MTCL1: variants seen among roughly 807,000 people sequenced by gnomAD.
MTCL1 encodes microtubule crosslinking factor 1, also known as microtubule cross-linking factor 1.
MTCL1 carries 79 observed loss-of-function variants against 141.4 expected under a neutral mutation model. The ratio of observed to expected loss-of-function variants is 0.56; its 90% CI spans 0.47 to 0.67. MTCL1 has a LOEUF of 0.67. Among genes scored for constraint, MTCL1 ranks in the 30% least tolerant of loss-of-function variants. The pLI is 0.00. For synonymous variants in MTCL1, 914 were observed against 875.8 expected (o/e 1.04, Z -0.77); for missense variants, 2,177 against 2,113.9 (o/e 1.03, Z -0.59).
rs2144238168 is a variant in MTCL1, at chr18:8,812,970, C to A, written c.2605-9C>A. The A allele has an allele frequency of 1.2e-6, 2 of 1,605,696 alleles. No homozygotes were observed. Among genetic ancestry groups the A allele is most frequent in the South Asian group, 1.1e-5 (1 of 90,658 alleles). On this transcript the variant is annotated splice_polypyrimidine_tract_variant and intron_variant, in intron 11 of 16. Transcript: ENST00000359865. Reference sequence around the variant, plus strand: ...GAGAGGGAATTCCTAAGTCTCTTCTCCTTGACAGCTGGAAGAGAAGACTGA... The same window carrying A: ...GAGAGGGAATTCCTAAGTCTCTTCTACTTGACAGCTGGAAGAGAAGACTGA...
At chr18:8,819,640 C>T (rs945897074) in intron 13 of MTCL1, among the ~76,000 whole-genome samples, 1 of 152,156 alleles carries the variant, frequency 6.6e-6, no homozygotes, top group Non-Finnish European at 1.5e-5. Context: ...GTCTCACTCT[C>T]TTGCCCAGGG....
chr18:8,783,726 C>A, exon 6 of MTCL1: 1 of 1,607,704 alleles, frequency 6.2e-7, no homozygotes. Context: ...ACCCGGGAGG[C>A]CGAGCTGAAG....
Position 8,777,826 on chromosome 18 carries a change from A to AT in MTCL1, c.358-4dup, listed in dbSNP as rs1568013558. 6.2e-7 allele frequency: 1 copy of AT among 1,613,814 alleles called. No individual in the cohort carries two copies. The highest frequency in any genetic ancestry group is 8.5e-7 in the Non-Finnish European group (1 of 1,179,914). On this transcript the variant is annotated splice_region_variant and splice_polypyrimidine_tract_variant and intron_variant, in intron 4 of 16. Coordinates refer to ENST00000359865, the Ensembl canonical transcript of MTCL1. Reference sequence around the variant, plus strand: ...TGGTCACAGAATGTCACTTGGATCTATTTCAGAGTTCCCTAAAAAGAAGAA... The same window carrying AT: ...TGGTCACAGAATGTCACTTGGATCTATTTTCAGAGTTCCCTAAAAAGAAGAA...
intron 4 of MTCL1, among the ~76,000 whole-genome samples, chr18:8,764,518 A>G (rs1031531007): frequency 1.3e-5 from 2 of 152,044 alleles, no homozygotes; most frequent in Non-Finnish European, 2.9e-5. Flanking sequence ...GGGTTTCACC[A>G]TGTTGGCCAG....
At chr18:8,789,410 A>G in intron 7 of MTCL1, 1 of 985,228 alleles carries the variant, frequency 1.0e-6, no homozygotes, top group East Asian at 1.1e-4. Context: ...TAGGCACTCT[A>G]GTGATGGCCA....
intron 4 of MTCL1, among the ~76,000 whole-genome samples, chr18:8,743,283 A>G (rs2096314897): frequency 6.6e-6 from 1 of 152,234 alleles, no homozygotes; most frequent in Admixed American, 6.5e-5. Flanking sequence ...ATGTAATCAC[A>G]TGTTACATAT....
chr18:8,798,392 A>C (rs1159908230), intron 10 of MTCL1, 101 bp downstream of exon 9: 1 of 1,071,574 alleles, frequency 9.3e-7, no homozygotes, highest in Admixed American at 4.1e-5. Flanking sequence ...GCATTCAGGT[A>C]GCAGAAAATT....
intron 4 of MTCL1, among the ~76,000 whole-genome samples, chr18:8,751,186 A>C (rs2096369190): frequency 1.3e-5 from 2 of 152,236 alleles, no homozygotes; most frequent in South Asian, 4.1e-4. Flanking sequence ...TGTAAGGCTC[A>C]GGCTGCTGAT....
intron 4 of MTCL1, among the ~76,000 whole-genome samples, chr18:8,743,639 T>C (rs1342748927): frequency 2.6e-5 from 4 of 152,250 alleles, no homozygotes; most frequent in Non-Finnish European, 1.5e-5. Flanking sequence ...GCCCTCTTTC[T>C]TCATCTTCAA....
At chr18:8,720,451 A>G in exon 4 of MTCL1, 4 of 1,614,108 alleles carry the variant, frequency 2.5e-6, no homozygotes, top group Non-Finnish European at 3.4e-6. Flanking sequence ...TTGAAGTGGA[A>G]ATATCCAAAC....
chr18:8,764,570 G>A (rs143983932), intron 4 of MTCL1, among the ~76,000 whole-genome samples: 3,803 of 152,122 alleles, frequency 0.025, 58 homozygotes, highest in South Asian at 0.057. Flanking sequence ...CACCTGCCTC[G>A]GCCTCTCAAA....
chr18:8,792,322 C>G (rs895402524), intron 7 of MTCL1, among the ~76,000 whole-genome samples: 3 of 152,132 alleles, frequency 2.0e-5, no homozygotes, highest in African/African-American at 4.8e-5. Flanking sequence ...GTAGACTTTA[C>G]CAATAAAAAT....
chr18:8,786,449 C>T, intron 7 of MTCL1: 1 of 464,564 alleles, frequency 2.2e-6, no homozygotes, highest in Middle Eastern at 5.9e-4. Flanking sequence ...ACGGGCTTCC[C>T]TGCTCTGGAG....
chr18:8,715,402 G>A (rs2096122538), upstream of MTCL1, among the ~76,000 whole-genome samples: 1 of 152,134 alleles, frequency 6.6e-6, no homozygotes, highest in Non-Finnish European at 1.5e-5. Context: ...TAATGACTTT[G>A]GCAGGCTTTC....
At chr18:8,826,078 G>A (rs1352308316) in exon 15 of MTCL1, 1 of 1,611,166 alleles carries the variant, frequency 6.2e-7, no homozygotes, top group Non-Finnish European at 8.5e-7. Flanking sequence ...GCTCCCCCTG[G>A]CTACACGCTC....
Position 8,705,974 on chromosome 18 carries a change from C to G in MTCL1, c.314C>G (p.Pro105Arg). The change falls in exon 1 of 14, where the codon CCG becomes CGG. Residue 105 changes from proline (P) to arginine (R), a missense_variant. Physicochemically the swap from Pro to Arg is moderately radical, Grantham distance 103. Transcript: ENST00000306329. This position sits in a 1 kb window ranked among gnomAD's most constrained non-coding sequence, Gnocchi z 5.2. ...CTCTCTCGGCGCAGTGGCGGCGTCC[C>G]GGGCGCGAAGGACAAGCCCCCGCCG... The G allele has an allele frequency of 2.6e-6, 3 of 1,133,188 alleles. No individual in the cohort carries two copies. The highest frequency in any genetic ancestry group is 3.2e-6 in the Non-Finnish European group (3 of 926,604). 70.2% of individuals were successfully genotyped at this position (1,133,188 alleles called of 1,614,324 possible).
At chr18:8,760,515 A>AT (rs2096426612) in intron 4 of MTCL1, among the ~76,000 whole-genome samples, 1 of 152,228 alleles carries the variant, frequency 6.6e-6, no homozygotes, top group South Asian at 2.1e-4. Context: ...CCTGCTAGGA[A>AT]GCAAATGTTA....
intron 1 of MTCL1, among the ~76,000 whole-genome samples, chr18:8,708,203 C>T (rs1426219769): frequency 6.6e-6 from 1 of 152,188 alleles, no homozygotes; most frequent in African/African-American, 2.4e-5. Context: ...AGCATAACCC[C>T]TGACTTACTT....
At chr18:8,762,293 G>A (rs1231333259) in intron 4 of MTCL1, among the ~76,000 whole-genome samples, 1 of 152,232 alleles carries the variant, frequency 6.6e-6, no homozygotes, top group African/African-American at 2.4e-5. Context: ...ATGTTGCTGT[G>A]CTGTCTCCAT....
Sources: gnomAD v4.1 joint callset for allele counts (sites outside exome capture counted in the v4.1 genomes callset) on GRCh38, gnomAD v4.1.1 for gene constraint, Gnocchi (gnomAD v3.1) non-coding constraint, MANE v1.5 for transcripts, NCBI Gene and HGNC (gene_info 2026-07-23, HGNC 2026-07-21) for gene names.